Variants in RSBN1 observed in about 807,000 individuals in gnomAD.
RSBN1 encodes the protein round spermatid basic protein 1, also known as lysine-specific demethylase 9.
Under a neutral mutation model 74.8 loss-of-function variants are expected in RSBN1, and 23 were observed. That is an observed-to-expected ratio of 0.31 (90% confidence interval 0.22 to 0.44). The LOEUF (loss-of-function observed/expected upper bound fraction) is 0.44, where lower values mean the gene tolerates loss of function less well. RSBN1 is among the 20% of genes least tolerant of loss of function. RSBN1 has a pLI of 1.00. For synonymous variants in RSBN1, 407 were observed against 379.6 expected, an observed-to-expected ratio of 1.07 and a Z score of -0.84; for missense variants, 808 against 1,020.9, an observed-to-expected ratio of 0.79 and a Z score of 2.84.
rs1172901911 is a variant in RSBN1, at chr1:113,761,892, G to C, written c.*4088C>G. ...ACTTTACAGGAAAAAAAAAAACTAT[G>C]CATTCCATTGTCCTATTTTACAAAG... On this transcript the variant is annotated 3_prime_UTR_variant, in exon 7 of 7. Coordinates refer to ENST00000261441, the MANE Select transcript of RSBN1 (RefSeq NM_018364.5). The C allele has an allele frequency of 2.6e-5, 4 of 151,948 alleles. No individual in the cohort carries two copies. Among genetic ancestry groups the C allele is most frequent in the Non-Finnish European group, 5.9e-5 (4 of 67,868 alleles). The allele number at this position is 151,948 out of a possible 1,614,324, so 9.4% of individuals were successfully genotyped here.
intron 2 of RSBN1, among the ~76,000 whole-genome samples, chr1:113,783,267 T>C (rs371490249): frequency 1.3e-5 from 2 of 149,250 alleles, no homozygotes; most frequent in African/African-American, 4.9e-5. Flanking sequence ...CCACAAACTC[T>C]GGCAAAAAGA....
intron 1 of RSBN1, among the ~76,000 whole-genome samples, chr1:113,810,242 T>C (rs1660800832): frequency 1.3e-5 from 2 of 152,184 alleles, no homozygotes; most frequent in Admixed American, 1.3e-4. Context: ...TTTTAAAAAA[T>C]ATTTAATTTT....
At chr1:113,792,933 G>A (rs1571305543) in intron 2 of RSBN1, among the ~76,000 whole-genome samples, 1 of 152,232 alleles carries the variant, frequency 6.6e-6, no homozygotes, top group East Asian at 1.9e-4. Context: ...CTGTTTCAAT[G>A]GACATATAAA....
intron 5 of RSBN1, 50 bp downstream of exon 5, chr1:113,768,172 T>C (rs1479114443): frequency 3.3e-5 from 48 of 1,464,440 alleles, no homozygotes; most frequent in Non-Finnish European, 4.1e-5. Flanking sequence ...AGAGTCCACA[T>C]TGTCTTATAC....
intron 1 of RSBN1, among the ~76,000 whole-genome samples, chr1:113,811,501 A>C (rs1485998625): frequency 6.6e-6 from 1 of 152,232 alleles, no homozygotes; most frequent in Non-Finnish European, 1.5e-5. Context: ...AGGGATTAGC[A>C]ACTGACAGCT....
At chr1:113,806,964 G>T (rs1660713114) in intron 1 of RSBN1, among the ~76,000 whole-genome samples, 1 of 151,802 alleles carries the variant, frequency 6.6e-6, no homozygotes, top group Admixed American at 6.6e-5. Flanking sequence ...AGTGAGCCAT[G>T]ATCACATCAC....
chr1:113,808,327 T>C lies in RSBN1; in HGVS notation c.703+3383A>G, dbSNP rs902989104. On this transcript the variant is annotated intron_variant, in intron 1 of 6. Transcript: ENST00000261441. ...TACAATGTACATGCTATATAAATAA[T>C]TGTTATACTGTATTGTTTAGGGAAC... Among the ~76,000 whole-genome samples the C allele has an allele frequency of 5.3e-5, 8 of 152,182 alleles. 1 individual carries two copies. Among genetic ancestry groups the C allele is most frequent in the Admixed American group, 3.9e-4 (6 of 15,278 alleles).
chr1:113,806,376 T>C (rs1461759946), intron 1 of RSBN1, among the ~76,000 whole-genome samples: 1 of 151,864 alleles, frequency 6.6e-6, no homozygotes, highest in Non-Finnish European at 1.5e-5. Context: ...GTTGTACTGA[T>C]TTTTGAAAAA....
At chr1:113,806,432 T>C (rs891257965) in intron 1 of RSBN1, among the ~76,000 whole-genome samples, 1 of 151,698 alleles carries the variant, frequency 6.6e-6, no homozygotes, top group Non-Finnish European at 1.5e-5. Context: ...CAACAAAAGG[T>C]GCTAGAGCAA....
chr1:113,811,829 T>G lies in RSBN1; in HGVS notation c.584A>C (p.His195Pro). 3 of 1,613,684 alleles carry G rather than the reference T, an allele frequency of 1.9e-6. No homozygotes were observed. In the South Asian group the frequency reaches 3.3e-5, roughly 18 times the overall value. Residue 195 changes from histidine to proline, a missense_variant, in exon 1 of 7, where the codon CAT becomes CCT. Coordinates refer to ENST00000261441, the MANE Select transcript of RSBN1 (RefSeq NM_018364.5). ...ATCACCATCGGGGCCGCGGTGGTGA[T>G]GGTGCTTGTGCCGCTCCTTGTGGCC... is the stretch of plus-strand genomic sequence containing the variant. ...HKGHKERHKH[H>P]HHRGPDGDPS...
Position 113,764,985 on chromosome 1 carries a change from C to T in RSBN1, c.*995G>A, listed in dbSNP as rs865799582. 1 of 152,276 alleles carries T rather than the reference C, an allele frequency of 6.6e-6. No individual in the cohort carries two copies. Among genetic ancestry groups the T allele is most frequent in the South Asian group, 2.1e-4 (1 of 4,822 alleles). 9.4% of individuals were successfully genotyped at this position (152,276 alleles called of 1,614,324 possible). On this transcript the variant is annotated 3_prime_UTR_variant, in exon 7 of 7. Coordinates refer to ENST00000261441, the MANE Select transcript of RSBN1 (RefSeq NM_018364.5). ...AACACAGAGTAATAGTAAATAAACCCAGGTATTCACCAGTTAAAACTGTGA... is the reference window on the plus strand; with the variant it reads ...AACACAGAGTAATAGTAAATAAACCTAGGTATTCACCAGTTAAAACTGTGA...
intron 4 of RSBN1, among the ~76,000 whole-genome samples, chr1:113,772,555 T>C (rs1659905394): frequency 6.6e-6 from 1 of 152,186 alleles, no homozygotes; most frequent in Non-Finnish European, 1.5e-5. Context: ...TCTGTACACA[T>C]ATTTCTTTAA....
At chr1:113,803,271 C>G (rs907864658) in intron 1 of RSBN1, among the ~76,000 whole-genome samples, 29 of 152,282 alleles carry the variant, frequency 1.9e-4, no homozygotes, top group African/African-American at 7.0e-4. Flanking sequence ...TGATTGCTTC[C>G]AAGTTTTGGT....
chr1:113,812,020 G>T lies in RSBN1; in HGVS notation c.393C>A (p.Ala131=). Residue 131 remains alanine, a synonymous_variant, in exon 1 of 7, where the codon GCC becomes GCA. Coordinates refer to ENST00000261441, the MANE Select transcript of RSBN1 (RefSeq NM_018364.5). ...HPGPLPPTNA[A]PTVPGPVEPL... ...GCTCAACAGGGCCTGGGACAGTTGG[G>T]GCTGCATTCGTTGGCGGCAGCGGCC... 6.5e-7 allele frequency: 1 copy of T among 1,535,874 alleles called. No individual in the cohort carries two copies. Among genetic ancestry groups the T allele is most frequent in the Non-Finnish European group, 8.8e-7 (1 of 1,141,784 alleles).
At chr1:113,773,245 T>C (rs574964900) in intron 4 of RSBN1, among the ~76,000 whole-genome samples, 189 of 152,314 alleles carry the variant, frequency 1.2e-3, no homozygotes, top group African/African-American at 4.1e-3. Context: ...CATTTTTGGG[T>C]TGGGCGTGGT....
rs1183934324 is a variant in RSBN1 at position 113,765,897 on chromosome 1, AAACTT to A, written c.*78_*82del. The A allele has an allele frequency of 1.0e-4, 100 of 991,050 alleles. No homozygotes were observed. Among genetic ancestry groups the A allele is most frequent in the Non-Finnish European group, 1.3e-4 (86 of 681,892 alleles). The allele number at this position is 991,050 out of a possible 1,614,324, so 61.4% of individuals were successfully genotyped here. A position where few individuals can be genotyped will look rare whatever the true frequency, so the allele number is the denominator to read the frequency against. ...AATTATAGGCAAGATTTCTCCAATA[AAACTT>A]AACTTAAGCCAGTTATAAAACTATA... On this transcript the variant is annotated 3_prime_UTR_variant, in exon 7 of 7. Coordinates refer to ENST00000261441, the MANE Select transcript of RSBN1 (RefSeq NM_018364.5).
At chr1:113,768,475 A>G (rs1467022654) in intron 4 of RSBN1, 86 bp from the exon 5 acceptor site, 4 of 985,754 alleles carry the variant, frequency 4.1e-6, no homozygotes, top group African/African-American at 1.6e-5. Flanking sequence ...AAGGCAAAAA[A>G]GTCTGCTAAA....
At chr1:113,791,433 G>C (rs187802803) in intron 2 of RSBN1, among the ~76,000 whole-genome samples, 42 of 152,194 alleles carry the variant, frequency 2.8e-4, no homozygotes, top group Non-Finnish European at 5.4e-4. Context: ...TTCTACAAAG[G>C]ACAATTATAA....
intron 4 of RSBN1, among the ~76,000 whole-genome samples, chr1:113,772,235 G>A (rs1659898491): frequency 6.6e-6 from 1 of 151,868 alleles, no homozygotes; most frequent in South Asian, 2.1e-4. Context: ...AAGAAATGAG[G>A]AGGAAGAGGA....
Sources: gnomAD v4.1 joint callset for allele counts (sites outside exome capture counted in the v4.1 genomes callset) on GRCh38, gnomAD v4.1.1 for gene constraint, MANE v1.5 for transcripts, NCBI Gene and HGNC (gene_info 2026-07-23, HGNC 2026-07-21) for gene names.